ANKDD1B: variants seen among roughly 807,000 people sequenced by gnomAD.
The protein encoded by ANKDD1B is ankyrin repeat and death domain-containing protein 1B.
A neutral mutation model predicts 59.7 loss-of-function variants in ANKDD1B; 57 were observed. The ratio of observed to expected loss-of-function variants is 0.95; its 90% CI spans 0.77 to 1.19. The LOEUF is 1.19. ANKDD1B is among the 50% of genes most tolerant of loss of function. The pLI is 0.00. For missense variants in ANKDD1B, 602 were observed against 641.9 expected, an observed-to-expected ratio of 0.94 and a Z score of 0.67; for synonymous variants, 216 against 239.5, an observed-to-expected ratio of 0.90 and a Z score of 0.91.
intron 12 of ANKDD1B, among the ~76,000 whole-genome samples, chr5:75,668,966 G>T (rs977720829): frequency 1.2e-4 from 19 of 152,290 alleles, no homozygotes; most frequent in Non-Finnish European, 7.3e-5. Flanking sequence ...ATGAGAAGTT[G>T]CATATTTCAT....
chr5:75,667,070 C>A, intron 12 of ANKDD1B, 77 bp downstream of exon 12: 1 of 981,234 alleles, frequency 1.0e-6, no homozygotes, highest in Non-Finnish European at 1.4e-6. Flanking sequence ...TGAGGTCTTC[C>A]AAGGAAGTGT....
At chr5:75,644,440 T>C in intron 7 of ANKDD1B, among the ~76,000 whole-genome samples, 1 of 61,642 alleles carries the variant, frequency 1.6e-5, no homozygotes, top group Non-Finnish European at 2.7e-5. Context: ...AAGGCAGGGG[T>C]TGCAATCCTA....
chr5:75,625,591 A>G lies in ANKDD1B; in HGVS notation c.397-56A>G, dbSNP rs910853369. The G allele has an allele frequency of 2.3e-5, 31 of 1,376,656 alleles. No homozygotes were observed. In the Admixed American group the frequency reaches 4.8e-4, roughly 21 times the overall value. 85.3% of individuals were successfully genotyped at this position (1,376,656 alleles called of 1,614,324 possible). On this transcript the variant is annotated intron_variant, in intron 3 of 13. Transcript: ENST00000601380. Reference sequence around the variant, plus strand: ...ATTTGGCCTTTGTTGATGAGGCAGTATATGGCTGCAGCTTGTCAGAGTGAT... The same window carrying G: ...ATTTGGCCTTTGTTGATGAGGCAGTGTATGGCTGCAGCTTGTCAGAGTGAT...
intron 3 of ANKDD1B, among the ~76,000 whole-genome samples, chr5:75,622,158 AAT>A (rs1271295152): frequency 6.6e-6 from 1 of 152,194 alleles, no homozygotes; most frequent in African/African-American, 2.4e-5. Context: ...CTTCACCATC[AAT>A]ATTTATTCAG....
In ANKDD1B at chr5:75,611,636, TGGACCCCGCCGGGCGCGCCCGGGGCCAAG is replaced by T; in HGVS notation, c.5_33del (p.Asp2_?11). 8.1e-7 allele frequency: 1 copy of T among 1,231,152 alleles called. No individual in the cohort carries two copies. The highest frequency in any genetic ancestry group is 3.2e-5 in the East Asian group (1 of 31,632). 76.3% of individuals were successfully genotyped at this position (1,231,152 alleles called of 1,614,324 possible). The stretch of plus-strand genomic sequence containing the variant: ...CGCTCAGGGCCCGCGGAGGAGACTA[TGGACCCCGCCGGGCGCGCCCGGGGCCAAG>T]GGGCCACGGCAGGGGGGCTGCTGCT... On this transcript the variant is annotated frameshift_variant and start_lost, in exon 1 of 14. Transcript: ENST00000601380. LOFTEE classifies it high-confidence loss of function.
Position 75,611,689 on chromosome 5 carries a change from C to T in ANKDD1B, c.55C>T (p.Leu19Phe). The T allele has an allele frequency of 8.1e-7, 1 of 1,227,414 alleles. No homozygotes were observed. Among genetic ancestry groups the T allele is most frequent in the Non-Finnish European group, 1.0e-6 (1 of 987,988 alleles). The allele number at this position is 1,227,414 out of a possible 1,614,324, so 76.0% of individuals were successfully genotyped here. Residue 19 changes from leucine (L) to phenylalanine (F), a missense_variant, in exon 1 of 14, where the codon CTC (leucine) becomes TTC (phenylalanine). This residue lies in a region of ANKDD1B where 317 missense variants were observed against 304.6 expected (regional missense o/e 1.04). Coordinates refer to ENST00000601380, the MANE Select transcript of ANKDD1B (RefSeq NM_001276713.2). ...AGGGGCCACGGCAGGGGGGCTGCTG[C>T]TCCGGGCTGCTGCGGCCGCCAAGGG... is the stretch of plus-strand genomic sequence containing the variant. ...GQGATAGGLL[L>F]RAAAAAKGLR... is the part of the protein sequence containing the mutation.
chr5:75,653,515 G>A (rs1051333932), intron 8 of ANKDD1B, among the ~76,000 whole-genome samples: 23 of 152,148 alleles, frequency 1.5e-4, no homozygotes, highest in South Asian at 4.1e-4. Flanking sequence ...TTTCTCATAC[G>A]TCTAGAGATG....
chr5:75,639,054 C>A (rs1420335486), intron 7 of ANKDD1B, among the ~76,000 whole-genome samples: 2 of 152,146 alleles, frequency 1.3e-5, no homozygotes, highest in Non-Finnish European at 2.9e-5. Flanking sequence ...CCTTATCAGG[C>A]TCTGGGTATA....
At chr5:75,614,544 T>C (rs1021242453) in intron 1 of ANKDD1B, among the ~76,000 whole-genome samples, 2 of 152,208 alleles carry the variant, frequency 1.3e-5, no homozygotes, top group Admixed American at 6.5e-5. Context: ...CAATACCAAG[T>C]TGATGGAGGT....
At chr5:75,661,350 C>T (rs116595963) in intron 10 of ANKDD1B, among the ~76,000 whole-genome samples, 2,113 of 131,568 alleles carry the variant, frequency 0.016, 63 homozygotes, top group African/African-American at 0.053. Context: ...TGAGCCGAGA[C>T]CGTGCCAGTG....
At chr5:75,632,752 T>C (rs895424320) in intron 5 of ANKDD1B, among the ~76,000 whole-genome samples, 6 of 152,214 alleles carry the variant, frequency 3.9e-5, no homozygotes, top group Non-Finnish European at 5.9e-5. Flanking sequence ...TGCTGAGTTA[T>C]GTACCCCCAT....
chr5:75,614,586 C>T (rs1323305849), intron 1 of ANKDD1B, among the ~76,000 whole-genome samples: 2 of 152,180 alleles, frequency 1.3e-5, no homozygotes, highest in Non-Finnish European at 2.9e-5. Flanking sequence ...CATTTAAACA[C>T]ATGGCTTCCA....
chr5:75,636,408 C>A (rs551058156), intron 7 of ANKDD1B, among the ~76,000 whole-genome samples: 1 of 152,108 alleles, frequency 6.6e-6, no homozygotes, highest in Non-Finnish European at 1.5e-5. Flanking sequence ...GTGTTCCGGG[C>A]TGACAAGCTC....
intron 5 of ANKDD1B, among the ~76,000 whole-genome samples, chr5:75,633,348 A>G (rs1484275676): frequency 6.6e-6 from 1 of 152,200 alleles, no homozygotes; most frequent in Non-Finnish European, 1.5e-5. Context: ...ATACATGCAT[A>G]AATACAGACC....
Position 75,649,533 on chromosome 5 carries a change from A to G in ANKDD1B, c.799-3609A>G, listed in dbSNP as rs1774769479. On this transcript the variant is annotated intron_variant, in intron 7 of 13. Coordinates refer to ENST00000601380, the MANE Select transcript of ANKDD1B (RefSeq NM_001276713.2). ...GGCACATAAAAAGTCTGTAGGCCCTACACACGGAGCCCATGATGCCTAGAG... is the reference window on the plus strand; with the variant it reads ...GGCACATAAAAAGTCTGTAGGCCCTGCACACGGAGCCCATGATGCCTAGAG... Among the ~76,000 whole-genome samples the G allele has an allele frequency of 3.3e-5, 5 of 152,138 alleles. No individual in the cohort carries two copies. In the South Asian group the frequency reaches 1.0e-3, roughly 31 times the overall value.
intron 10 of ANKDD1B, among the ~76,000 whole-genome samples, chr5:75,662,748 C>T (rs186944945): frequency 1.3e-5 from 2 of 152,060 alleles, no homozygotes; most frequent in Non-Finnish European, 2.9e-5. Context: ...GCAGTTCATT[C>T]CCAAAATTAT....
At position 75,635,899 on chromosome 5, in the gene ANKDD1B, G is replaced by A. The variant is rs746221147; in HGVS notation, c.798+17G>A. 5.5e-6 allele frequency: 8 copies of A among 1,465,888 alleles called. No homozygotes were observed. Among genetic ancestry groups the A allele is most frequent in the Admixed American group, 2.0e-5 (1 of 50,248 alleles). 90.8% of individuals were successfully genotyped at this position (1,465,888 alleles called of 1,614,324 possible). The stretch of plus-strand genomic sequence containing the variant: ...ATGAATGAGGTATGTGGAAGTGCTC[G>A]TTATTGCCATAGGACTTAAATGTGG... On this transcript the variant is annotated intron_variant, in intron 7 of 13. Transcript: ENST00000601380.
At chr5:75,640,596 T>C (rs936066170) in intron 7 of ANKDD1B, among the ~76,000 whole-genome samples, 3 of 152,230 alleles carry the variant, frequency 2.0e-5, no homozygotes, top group African/African-American at 7.2e-5. Context: ...TTATTTTTCC[T>C]TTTGTTGGAA....
chr5:75,651,685 C>T (rs1774835597), intron 7 of ANKDD1B, among the ~76,000 whole-genome samples: 2 of 152,210 alleles, frequency 1.3e-5, no homozygotes, highest in Non-Finnish European at 2.9e-5. Context: ...GAGAGAAGAC[C>T]TGGTTCTAGT....
Sources: gnomAD v4.1 joint callset for allele counts (sites outside exome capture counted in the v4.1 genomes callset) on GRCh38, gnomAD v4.1.1 for gene constraint, gnomAD v4.1.1 regional missense constraint, MANE v1.5 for transcripts, NCBI Gene and HGNC (gene_info 2026-07-23, HGNC 2026-07-21) for gene names.